The following FSCN1 variants were observed in gnomAD, a reference collection of about 807,000 sequenced individuals.
FSCN1 encodes fascin actin-bundling protein 1.
Under a neutral mutation model 39.7 loss-of-function variants are expected in FSCN1, and 10 were observed. That is an observed-to-expected ratio of 0.25 (90% CI 0.16 to 0.43). The LOEUF is 0.43. FSCN1 is among the 20% of genes least tolerant of loss of function. The pLI, the probability that FSCN1 is intolerant of heterozygous loss-of-function variation, is 1.00. For missense variants in FSCN1, 525 were observed against 723.8 expected (o/e 0.73, Z 3.15); for synonymous variants, 322 against 320.0 (o/e 1.01, Z -0.07).
At chr7:5,593,942 G>A in intron 1 of FSCN1, 174 bp downstream of exon 1, 1 of 572,892 alleles carries the variant, frequency 1.7e-6, no homozygotes, top group Non-Finnish European at 3.0e-6. Context: ...CGAGGAGTGG[G>A]GCTTTGCCCA....
At chr7:5,595,767 T>G (rs117328243) in intron 1 of FSCN1, among the ~76,000 whole-genome samples, 2,840 of 152,192 alleles carry the variant, frequency 0.019, 41 homozygotes, top group Non-Finnish European at 0.03. Context: ...AGGGCTATGG[T>G]CCTTGCCTTG....
intron 1 of FSCN1, 200 bp downstream of exon 1, chr7:5,593,968 G>C: frequency 1.8e-6 from 1 of 557,820 alleles, no homozygotes; most frequent in Non-Finnish European, 3.1e-6. Context: ...GGGTGCCGCT[G>C]CCCACCTCCC....
At chr7:5,597,053 A>G (rs569875718) in intron 1 of FSCN1, among the ~76,000 whole-genome samples, 7 of 152,286 alleles carry the variant, frequency 4.6e-5, no homozygotes, top group Admixed American at 3.9e-4. Flanking sequence ...CACAGACAGA[A>G]TGGTTCAGAA....
chr7:5,595,269 T>A lies in FSCN1; in HGVS notation c.832+1501T>A, dbSNP rs1201804743. Among the ~76,000 whole-genome samples the A allele has an allele frequency of 2.0e-5, 3 of 152,206 alleles. 1 individual carries two copies. In the East Asian group the frequency reaches 5.8e-4, roughly 29 times the overall value. On this transcript the variant is annotated intron_variant, in intron 1 of 4. Transcript: ENST00000382361. ...TAATGGCCATTTTGTGCCTGAAGTT[T>A]GCTACCTTAAGTCCCAGAGAGGTGA...
chr7:5,593,309 A>G lies in FSCN1; in HGVS notation c.373A>G (p.Thr125Ala). The change falls in exon 1 of 5, where the codon ACG (threonine) becomes GCG (alanine). Residue 125 changes from threonine (T) to alanine (A), a missense_variant. Thr to Ala is a moderately conservative substitution (Grantham distance 58). Transcript: ENST00000382361. ...TEDRLSCFAQ[T>A]VSPAEKWSVH... ...GGACCGCCTGTCCTGCTTCGCGCAGACGGTGTCCCCCGCCGAGAAGTGGAG... is the reference window on the plus strand; with the variant it reads ...GGACCGCCTGTCCTGCTTCGCGCAGGCGGTGTCCCCCGCCGAGAAGTGGAG... 3.1e-6 allele frequency: 5 copies of G among 1,610,998 alleles called. No homozygotes were observed. The highest frequency in any genetic ancestry group is 3.4e-6 in the Non-Finnish European group (4 of 1,179,228).
At chr7:5,601,523 A>G (rs1785831964) in intron 1 of FSCN1, among the ~76,000 whole-genome samples, 1 of 152,112 alleles carries the variant, frequency 6.6e-6, no homozygotes, top group African/African-American at 2.4e-5. Flanking sequence ...TATGTATAAG[A>G]AAAAAACAGC....
At position 5,593,008 on chromosome 7, in the gene FSCN1, G is replaced by C. The variant is rs1256048671; in HGVS notation, c.72G>C (p.Leu24=). 2 of 1,596,122 alleles carry C rather than the reference G, an allele frequency of 1.3e-6. No homozygotes were observed. ...TCATCAACTGCGGCAACAAGTACCT[G>C]ACGGCCGAGGCGTTCGGGTTCAAGG... ...FGLINCGNKY[L]TAEAFGFKVN... Residue 24 remains leucine (L), a synonymous_variant, in exon 1 of 5, where the codon CTG becomes CTC. Coordinates refer to ENST00000382361, the MANE Select transcript of FSCN1 (RefSeq NM_003088.4).
At chr7:5,593,826 G>C (rs989255423) in intron 1 of FSCN1, 58 bp downstream of exon 1, 66 of 1,181,732 alleles carry the variant, frequency 5.6e-5, no homozygotes, top group Non-Finnish European at 6.9e-5. Flanking sequence ...CACCCCACCC[G>C]CGCCCCTCCA....
chr7:5,593,733 A>T lies in FSCN1; in HGVS notation c.797A>T (p.Gln266Leu). 6.3e-7 allele frequency: 1 copy of T among 1,590,932 alleles called. No individual in the cohort carries two copies. Among genetic ancestry groups the T allele is most frequent in the Non-Finnish European group, 8.5e-7 (1 of 1,175,494 alleles). ...CAGAGCTGCGCCCAGGTCGTGCTGCAGGCGGCCAACGAGAGGAACGTGTCC... is the reference window on the plus strand; with the variant it reads ...CAGAGCTGCGCCCAGGTCGTGCTGCTGGCGGCCAACGAGAGGAACGTGTCC... ...LEQSCAQVVL[Q>L]AANERNVSTR... is the part of the protein sequence containing the mutation. Residue 266 changes from glutamine (Q) to leucine (L), a missense_variant, in exon 1 of 5, where the codon CAG (glutamine) becomes CTG (leucine). Around this residue, in one of 3 missense-constraint regions of FSCN1, gnomAD observed 275 missense variants for 351.9 expected, o/e 0.78. Transcript: ENST00000382361.
rs1356797523 is a variant in FSCN1, at chr7:5,603,298, G to A, written c.874G>A (p.Glu292Lys). The change falls in exon 2 of 5, where the codon GAG becomes AAG. Residue 292 changes from glutamate to lysine, a missense_variant. Transcript: ENST00000382361. The surrounding 1 kb of genome is among the most constrained non-coding windows in gnomAD (Gnocchi z 8.5). ...SANQDEETDQETFQLEIDRDT... is the reference protein window; with the variant it reads ...SANQDEETDQKTFQLEIDRDT... Reference sequence around the variant, plus strand: ...CAATCAGGACGAGGAGACCGACCAGGAGACCTTCCAGCTGGAGATCGACCG... The same window carrying A: ...CAATCAGGACGAGGAGACCGACCAGAAGACCTTCCAGCTGGAGATCGACCG... 6.2e-7 allele frequency: 1 copy of A among 1,612,946 alleles called. No homozygotes were observed. Among genetic ancestry groups the A allele is most frequent in the Non-Finnish European group, 8.5e-7 (1 of 1,180,026 alleles).
intron 1 of FSCN1, among the ~76,000 whole-genome samples, chr7:5,594,306 C>A (rs1347930288): frequency 1.6e-4 from 25 of 151,898 alleles, no homozygotes; most frequent in Non-Finnish European, 3.4e-4. Context: ...ACCTCCCCGT[C>A]TGCCCGGCCT....
Position 5,603,981 on chromosome 7 carries a change from C to T in FSCN1, c.1230C>T (p.Ser410=), listed in dbSNP as rs1034937261. 9 of 1,614,020 alleles carry T rather than the reference C, an allele frequency of 5.6e-6. No homozygotes were observed. Among genetic ancestry groups the T allele is most frequent in the Non-Finnish European group, 7.6e-6 (9 of 1,180,016 alleles). Residue 410 remains serine, a synonymous_variant, in exon 4 of 5, where the codon AGC becomes AGT. Transcript: ENST00000382361. This position sits in a 1 kb window ranked among gnomAD's most constrained non-coding sequence, Gnocchi z 8.5. ...GCACCCTGGACGCCAACCGCTCCAG[C>T]TATGACGTCTTCCAGCTGGAGTTCA... ...VTGTLDANRS[S]YDVFQLEFND...
chr7:5,592,894 C>T lies in FSCN1; in HGVS notation c.-43C>T. ...GGGCGCCGCCGCAGGGACCCGCCAC[C>T]CACCTCCCGGGGCCGCGCAGCGGCC... On this transcript the variant is annotated 5_prime_UTR_variant, in exon 1 of 5. Coordinates refer to ENST00000382361, the MANE Select transcript of FSCN1 (RefSeq NM_003088.4). This position sits in a 1 kb window ranked among gnomAD's most constrained non-coding sequence, Gnocchi z 5.3. 1 of 1,285,342 alleles carries T rather than the reference C, an allele frequency of 7.8e-7. No individual in the cohort carries two copies. Among genetic ancestry groups the T allele is most frequent in the Non-Finnish European group, 1.0e-6 (1 of 952,676 alleles). 79.6% of individuals were successfully genotyped at this position (1,285,342 alleles called of 1,614,324 possible).
chr7:5,600,364 AGATCGTGCC>A (rs1201504007), intron 1 of FSCN1, among the ~76,000 whole-genome samples: 2 of 151,682 alleles, frequency 1.3e-5, no homozygotes, highest in Non-Finnish European at 2.9e-5. Flanking sequence ...CAGTGAGGCG[AGATCGTGCC>A]ATTGCACTCC....
chr7:5,601,762 C>T (rs1584302798), intron 1 of FSCN1, among the ~76,000 whole-genome samples: 1 of 151,988 alleles, frequency 6.6e-6, no homozygotes, highest in Non-Finnish European at 1.5e-5. Context: ...ATCACTTGAG[C>T]CCAGGAAGTC....
chr7:5,597,760 A>G (rs1373526096), intron 1 of FSCN1, among the ~76,000 whole-genome samples: 1 of 151,760 alleles, frequency 6.6e-6, no homozygotes, highest in Non-Finnish European at 1.5e-5. Flanking sequence ...AAAAAAAAAA[A>G]AGAGAGGATG....
rs560818730 is a variant in FSCN1, at chr7:5,594,014, G to A, written c.832+246G>A. The stretch of plus-strand genomic sequence containing the variant: ...GGGATCATGGGCTCCCCTAGGCCCC[G>A]CGGAGTCGCAACCGTACGTGCACCC... On this transcript the variant is annotated intron_variant, in intron 1 of 4. Transcript: ENST00000382361. 150 of 522,934 alleles carry A rather than the reference G, an allele frequency of 2.9e-4. 1 individual carries two copies. The highest frequency in any genetic ancestry group is 2.8e-3 in the African/African-American group (133 of 47,810). The allele number at this position is 522,934 out of a possible 1,614,324, so 32.4% of individuals were successfully genotyped here. A position where few individuals can be genotyped will look rare whatever the true frequency, so the allele number is the denominator to read the frequency against.
At chr7:5,604,959 A>G (rs2128550388) in intron 4 of FSCN1, among the ~76,000 whole-genome samples, 1 of 151,962 alleles carries the variant, frequency 6.6e-6, no homozygotes, top group Non-Finnish European at 1.5e-5. Flanking sequence ...TTTTTAGTAG[A>G]GACGGAGCTT....
rs1562747264 is a variant in FSCN1 at position 5,599,218 on chromosome 7, A to G, written c.833-4039A>G. On this transcript the variant is annotated intron_variant, in intron 1 of 4. Coordinates refer to ENST00000382361, the MANE Select transcript of FSCN1 (RefSeq NM_003088.4). This position sits in a 1 kb window ranked among gnomAD's most constrained non-coding sequence, Gnocchi z 5.6. ...ACCCAGTGCGGTGGATGCTCGTCGGAGGGCAGAGGGTGGGCTACCGGCTTA... is the reference window on the plus strand; with the variant it reads ...ACCCAGTGCGGTGGATGCTCGTCGGGGGGCAGAGGGTGGGCTACCGGCTTA... Among the ~76,000 whole-genome samples, 1 of 151,808 alleles carries G rather than the reference A, an allele frequency of 6.6e-6. No homozygotes were observed. Among genetic ancestry groups the G allele is most frequent in the Non-Finnish European group, 1.5e-5 (1 of 67,934 alleles).
Sources: allele counts gnomAD v4.1 joint callset (sites outside exome capture counted in the v4.1 genomes callset), GRCh38; gene constraint gnomAD v4.1.1; regional missense constraint gnomAD v4.1.1; non-coding constraint Gnocchi (gnomAD v3.1); transcripts MANE v1.5; gene names NCBI Gene and HGNC (gene_info 2026-07-23, HGNC 2026-07-21).